The following SYNPR variants were observed in gnomAD, a reference collection of about 807,000 sequenced individuals.
SYNPR encodes synaptoporin.
SYNPR carries 23 observed loss-of-function variants against 32.9 expected under a neutral mutation model. That is an observed-to-expected ratio of 0.70 (90% CI 0.50 to 0.99). The LOEUF (loss-of-function observed/expected upper bound fraction) is 0.99. Among genes scored for constraint, SYNPR ranks in the 50% least tolerant of loss-of-function variants. SYNPR has a pLI of 0.00. For synonymous variants in SYNPR, 146 were observed against 135.9 expected (o/e 1.07, Z -0.52); for missense variants, 318 against 349.3 (o/e 0.91, Z 0.71).
intron 1 of SYNPR, among the ~76,000 whole-genome samples, chr3:63,248,651 G>A (rs551156802): frequency 2.0e-5 from 3 of 152,044 alleles, no homozygotes; most frequent in East Asian, 1.9e-4. Flanking sequence ...GAGTTCTATC[G>A]ATTGTTGTGG....
intron 2 of SYNPR, among the ~76,000 whole-genome samples, chr3:63,402,119 A>C (rs1222692569): frequency 6.6e-6 from 1 of 152,138 alleles, no homozygotes; most frequent in Non-Finnish European, 1.5e-5. Context: ...CTGCAGCCAG[A>C]AGGAGGAAGG....
chr3:63,442,379 G>A (rs1453108790), intron 2 of SYNPR, among the ~76,000 whole-genome samples: 1 of 152,136 alleles, frequency 6.6e-6, no homozygotes, highest in Non-Finnish European at 1.5e-5. Context: ...CACCGAGTGG[G>A]GACCCAAAGT....
rs1305505292 is a variant in SYNPR, at chr3:63,431,209, A to G, written c.85-49623A>G. Among the ~76,000 whole-genome samples, 3 of 152,338 alleles carry G rather than the reference A, an allele frequency of 2.0e-5. No individual in the cohort carries two copies. In the East Asian group the frequency reaches 5.8e-4, roughly 29 times the overall value. On this transcript the variant is annotated intron_variant, in intron 2 of 5. Coordinates refer to ENST00000478300, the MANE Select transcript of SYNPR (RefSeq NM_001130003.2). ...ATTTGAGGTCTCATTTCAACCTAAT[A>G]GTGATGTGGAATTTACCCTGATAGG...
At chr3:63,411,675 C>T (rs1341719314) in intron 2 of SYNPR, among the ~76,000 whole-genome samples, 1 of 151,892 alleles carries the variant, frequency 6.6e-6, no homozygotes, top group African/African-American at 2.4e-5. Context: ...GTTCAAAGAC[C>T]CTAGAGACAG....
At chr3:63,550,163 C>A (rs931633989) in intron 3 of SYNPR, 8 of 151,664 alleles carry the variant, frequency 5.3e-5, no homozygotes, top group African/African-American at 1.9e-4. Flanking sequence ...ATACACTTTC[C>A]CCCCAAAATA....
chr3:63,316,468 T>C (rs1045033240), intron 2 of SYNPR, among the ~76,000 whole-genome samples: 5 of 152,018 alleles, frequency 3.3e-5, no homozygotes, highest in African/African-American at 9.7e-5. Context: ...CTAGGAGGGC[T>C]GTATTTTTCC....
At chr3:63,595,743 A>ATATATATATATATATAATTT (rs1699930313) in intron 4 of SYNPR, among the ~76,000 whole-genome samples, 2 of 47,184 alleles carry the variant, frequency 4.2e-5, no homozygotes, top group African/African-American at 4.0e-4. Context: ...ATATATATAT[A>ATATATATATATATATAATTT]TATATATATA....
At chr3:63,389,425 A>G (rs1375373993) in intron 2 of SYNPR, among the ~76,000 whole-genome samples, 1 of 152,330 alleles carries the variant, frequency 6.6e-6, no homozygotes, top group African/African-American at 2.4e-5. Context: ...TGGCAAACTT[A>G]TCATCCCAGA....
intron 2 of SYNPR, among the ~76,000 whole-genome samples, chr3:63,326,966 A>G (rs1318645785): frequency 1.3e-5 from 2 of 152,024 alleles, no homozygotes; most frequent in East Asian, 3.9e-4. Context: ...CAATAATAAT[A>G]CTTTCTCAAT....
chr3:63,218,976 T>A, the SYNPR span, among the ~76,000 whole-genome samples: 2 of 152,162 alleles, frequency 1.3e-5, no homozygotes, highest in Non-Finnish European at 2.9e-5. Flanking sequence ...ACAGACATGA[T>A]CCCTGCTCTT....
intron 2 of SYNPR, among the ~76,000 whole-genome samples, chr3:63,352,641 G>A (rs1042429609): frequency 6.6e-6 from 1 of 152,184 alleles, no homozygotes; most frequent in Admixed American, 6.5e-5. Flanking sequence ...AATCCTTTAT[G>A]TATTAGTCCA....
intron 2 of SYNPR, among the ~76,000 whole-genome samples, chr3:63,379,533 A>T (rs1162380787): frequency 1.3e-5 from 2 of 152,004 alleles, no homozygotes; most frequent in African/African-American, 4.8e-5. Context: ...TAGAACTGCT[A>T]TGTCTTCTTG....
At chr3:63,286,282 G>T (rs920975191) in intron 2 of SYNPR, among the ~76,000 whole-genome samples, 2 of 142,352 alleles carry the variant, frequency 1.4e-5, no homozygotes, top group African/African-American at 5.3e-5. Context: ...TTGGCCTTCA[G>T]GGGTTTGTCG....
chr3:63,595,109 A>G (rs1575728611), intron 4 of SYNPR, among the ~76,000 whole-genome samples: 1 of 152,190 alleles, frequency 6.6e-6, no homozygotes, highest in South Asian at 2.1e-4. Context: ...TTGCAAATGA[A>G]GTGGCTGCTA....
the SYNPR span, among the ~76,000 whole-genome samples, chr3:63,217,881 G>A: frequency 0.032 from 4,921 of 152,208 alleles, 140 homozygotes; most frequent in East Asian, 0.097. Context: ...GCCCACTTAA[G>A]AGGAATTGCA....
intron 2 of SYNPR, among the ~76,000 whole-genome samples, chr3:63,370,647 G>A (rs1406407515): frequency 6.6e-6 from 1 of 152,096 alleles, no homozygotes; most frequent in Admixed American, 6.5e-5. Context: ...TTTAGTCTGG[G>A]GGCATAATTT....
At chr3:63,543,506 G>C (rs552352871) in intron 3 of SYNPR, among the ~76,000 whole-genome samples, 6 of 152,076 alleles carry the variant, frequency 3.9e-5, no homozygotes, top group Non-Finnish European at 7.4e-5. Flanking sequence ...GTGGGTGAAA[G>C]GAATTGCTTG....
chr3:63,503,568 G>A (rs1444973460), intron 3 of SYNPR, among the ~76,000 whole-genome samples: 1 of 151,924 alleles, frequency 6.6e-6, no homozygotes, highest in Non-Finnish European at 1.5e-5. Context: ...TTTTTTGTTT[G>A]TTAAAGCTAT....
At chr3:63,301,638 A>C (rs2086858925) in intron 2 of SYNPR, among the ~76,000 whole-genome samples, 1 of 151,144 alleles carries the variant, frequency 6.6e-6, no homozygotes, top group South Asian at 2.1e-4. Context: ...TCTGAAAATG[A>C]CATATTATAA....
Sources: allele counts gnomAD v4.1 joint callset (sites outside exome capture counted in the v4.1 genomes callset), GRCh38; gene constraint gnomAD v4.1.1; transcripts MANE v1.5; gene names NCBI Gene and HGNC (gene_info 2026-07-23, HGNC 2026-07-21).